TLE1: variants seen among roughly 807,000 people sequenced by gnomAD.
The protein encoded by TLE1 is transducin-like enhancer protein 1.
TLE1 carries 21 observed loss-of-function variants against 89.8 expected under a neutral mutation model. The observed-to-expected ratio is 0.23, with a 90% confidence interval of 0.17 to 0.34. TLE1 has a LOEUF of 0.34. Ranked by LOEUF, TLE1 falls within the 10% of genes least tolerant of loss-of-function variation. The pLI, the probability that TLE1 is intolerant of heterozygous loss-of-function variation, is 1.00. For synonymous variants in TLE1, 447 were observed against 407.6 expected, an observed-to-expected ratio of 1.10 and a Z score of -1.16; for missense variants, 795 against 1,031.2, an observed-to-expected ratio of 0.77 and a Z score of 3.14.
intron 2 of TLE1, 41 bp downstream of exon 2, chr9:81,687,293 G>T: frequency 6.4e-7 from 1 of 1,555,514 alleles, no homozygotes; most frequent in South Asian, 1.2e-5. Flanking sequence ...AGGGGCACCG[G>T]GACGCCCGCG....
At chr9:81,662,900 T>G (rs971785874) in intron 4 of TLE1, among the ~76,000 whole-genome samples, 1 of 151,880 alleles carries the variant, frequency 6.6e-6, no homozygotes, top group Non-Finnish European at 1.5e-5. Flanking sequence ...CAGGCTGGAG[T>G]GCAGTGGCAT....
In TLE1 at chr9:81,593,193, G is replaced by A. The variant is rs779825870; in HGVS notation, c.1413C>T (p.Ile471=). 2 of 1,614,006 alleles carry A rather than the reference G, an allele frequency of 1.2e-6. No individual in the cohort carries two copies. The highest frequency in any genetic ancestry group is 4.5e-5 in the East Asian group (2 of 44,850). ...FPPDALIGPG[I]PRHARQINTL... The stretch of plus-strand genomic sequence containing the variant: ...TGTTGATCTGGCGAGCATGCCGGGG[G>A]ATTCCGGGTCCGATGAGGGCGTCGG... Residue 471 remains isoleucine, a synonymous_variant, in exon 15 of 20, where the codon ATC becomes ATT. Coordinates refer to ENST00000376499, the MANE Select transcript of TLE1 (RefSeq NM_005077.5).
At chr9:81,685,789 T>C (rs779161927) in intron 3 of TLE1, 44 bp downstream of exon 3, 5 of 1,612,752 alleles carry the variant, frequency 3.1e-6, no homozygotes, top group Non-Finnish European at 4.2e-6. Context: ...ACACGTTTGC[T>C]AATATCATAT....
chr9:81,589,982 G>T (rs545701766), intron 16 of TLE1, among the ~76,000 whole-genome samples: 7 of 152,094 alleles, frequency 4.6e-5, no homozygotes, highest in African/African-American at 1.4e-4. Flanking sequence ...GATGACTTCT[G>T]GAGCCCGTCC....
chr9:81,677,288 G>A (rs753926304), intron 4 of TLE1, among the ~76,000 whole-genome samples: 4 of 150,918 alleles, frequency 2.7e-5, no homozygotes, highest in South Asian at 2.1e-4. Context: ...AACTCAGGCC[G>A]GGCGCAGTGG....
chr9:81,591,668 G>T (rs188367658), intron 15 of TLE1, among the ~76,000 whole-genome samples: 4 of 152,124 alleles, frequency 2.6e-5, no homozygotes, highest in Non-Finnish European at 4.4e-5. Context: ...GCTAAAGTTT[G>T]CTTACATGCT....
In TLE1 at chr9:81,616,642, T is replaced by C. The variant is rs1463626911; in HGVS notation, c.765+4A>G. The C allele has an allele frequency of 6.2e-7, 1 of 1,613,818 alleles. No individual in the cohort carries two copies. Among genetic ancestry groups the C allele is most frequent in the East Asian group, 2.2e-5 (1 of 44,870 alleles). On this transcript the variant is annotated splice_donor_region_variant and intron_variant, in intron 10 of 19. Coordinates refer to ENST00000376499, the MANE Select transcript of TLE1 (RefSeq NM_005077.5). ...AGACAAACTTTGATGAAAAGAATGG[T>C]TACCTCATTAGACACATCCACAACT...
At chr9:81,603,547 T>C (rs918588950) in intron 14 of TLE1, among the ~76,000 whole-genome samples, 55 of 152,134 alleles carry the variant, frequency 3.6e-4, no homozygotes, top group African/African-American at 1.3e-3. Flanking sequence ...GAATCAACAC[T>C]AAAAGGGATT....
At chr9:81,595,670 T>G (rs1157013863) in intron 14 of TLE1, among the ~76,000 whole-genome samples, 2 of 151,676 alleles carry the variant, frequency 1.3e-5, no homozygotes, top group Admixed American at 1.3e-4. Flanking sequence ...TACAAAAAAA[T>G]CAGCCGGGTA....
chr9:81,649,269 A>G (rs915831302), intron 6 of TLE1, among the ~76,000 whole-genome samples: 28 of 152,294 alleles, frequency 1.8e-4, no homozygotes, highest in African/African-American at 6.5e-4. Flanking sequence ...GGAGAACTAC[A>G]ATTTCTATGC....
chr9:81,591,449 A>T (rs1347878140), intron 15 of TLE1, among the ~76,000 whole-genome samples: 1 of 152,212 alleles, frequency 6.6e-6, no homozygotes, highest in African/African-American at 2.4e-5. Flanking sequence ...TGCTGAGCAC[A>T]TTACCTCATT....
chr9:81,631,519 C>T (rs1194698827), intron 8 of TLE1, among the ~76,000 whole-genome samples: 5 of 152,152 alleles, frequency 3.3e-5, no homozygotes, highest in African/African-American at 1.2e-4. Flanking sequence ...GTCACTCACT[C>T]CTCCTCGATT....
intron 14 of TLE1, among the ~76,000 whole-genome samples, chr9:81,601,616 A>C (rs916603007): frequency 2.0e-5 from 3 of 151,966 alleles, no homozygotes; most frequent in African/African-American, 4.8e-5. Context: ...AAAAAAAAAA[A>C]GTCTAACTAA....
chr9:81,615,981 C>T lies in TLE1; in HGVS notation c.918+1G>A, dbSNP rs1189488755. On this transcript the variant is annotated splice_donor_variant, in intron 11 of 19. Coordinates refer to ENST00000376499, the MANE Select transcript of TLE1 (RefSeq NM_005077.5). LOFTEE classifies it high-confidence loss of function. ...GGCAAGTGTCAGTTTTCTTTACCTA[C>T]CAAGCTCATTTCTTTGGATTTCAAA... 6.2e-7 allele frequency: 1 copy of T among 1,613,450 alleles called. No homozygotes were observed. Among genetic ancestry groups the T allele is most frequent in the Non-Finnish European group, 8.5e-7 (1 of 1,180,006 alleles).
intron 4 of TLE1, among the ~76,000 whole-genome samples, chr9:81,675,698 GTTTT>G (rs35060460): frequency 7.7e-6 from 1 of 129,666 alleles, no homozygotes; most frequent in Non-Finnish European, 1.6e-5. Flanking sequence ...ACTCACACTA[GTTTT>G]TTTTTGTTTT....
At chr9:81,610,162 A>C in intron 14 of TLE1, 58 bp downstream of exon 14, 1 of 1,455,482 alleles carries the variant, frequency 6.9e-7, no homozygotes, top group Admixed American at 1.8e-5. Context: ...CTAGTCTGCT[A>C]ATACCAATGA....
At chr9:81,675,730 C>T (rs1246177048) in intron 4 of TLE1, among the ~76,000 whole-genome samples, 1 of 98,498 alleles carries the variant, frequency 1.0e-5, no homozygotes, top group African/African-American at 5.8e-5. Context: ...GAGACGGAGT[C>T]TCGCTCTGTC....
intron 8 of TLE1, 104 bp downstream of exon 8, chr9:81,633,244 A>G: frequency 2.5e-6 from 4 of 1,573,788 alleles, no homozygotes; most frequent in Non-Finnish European, 2.6e-6. Flanking sequence ...GAGAGTGTGC[A>G]TGTCTGTCTG....
In TLE1 at chr9:81,616,677, T is replaced by G; in HGVS notation, c.734A>C (p.Asp245Ala). ...SHYDSDGDKS[D>A]DNLVVDVSNE... is the part of the protein sequence containing the mutation. ...AGACACATCCACAACTAAGTTGTCATCGCTTTTGTCACCATCACTGTCCTG... is the reference window on the plus strand; with the variant it reads ...AGACACATCCACAACTAAGTTGTCAGCGCTTTTGTCACCATCACTGTCCTG... The change falls in exon 10 of 20, where the codon GAT (aspartate) becomes GCT (alanine). Residue 245 changes from aspartate to alanine, a missense_variant. This residue lies in a region of TLE1 where 468 missense variants were observed against 509.1 expected (regional missense o/e 0.92). Coordinates refer to ENST00000376499, the MANE Select transcript of TLE1 (RefSeq NM_005077.5). 6.2e-7 allele frequency: 1 copy of G among 1,614,184 alleles called. No individual in the cohort carries two copies. Among genetic ancestry groups the G allele is most frequent in the East Asian group, 2.2e-5 (1 of 44,880 alleles).
Sources: gnomAD v4.1 joint callset for allele counts (sites outside exome capture counted in the v4.1 genomes callset) on GRCh38, gnomAD v4.1.1 for gene constraint, gnomAD v4.1.1 regional missense constraint, MANE v1.5 for transcripts, NCBI Gene and HGNC (gene_info 2026-07-23, HGNC 2026-07-21) for gene names.